The following PPM1L variants were observed in gnomAD, a reference collection of about 807,000 sequenced individuals.
The protein encoded by PPM1L is protein phosphatase, Mg2+/Mn2+ dependent 1L, also known as protein phosphatase 1L.
A neutral mutation model predicts 31.4 loss-of-function variants in PPM1L; 13 were observed. The ratio of observed to expected loss-of-function variants is 0.41; its 90% CI spans 0.27 to 0.66. PPM1L has a LOEUF of 0.66. Ranked by LOEUF, PPM1L falls within the 30% of genes least tolerant of loss-of-function variation. The pLI is 0.29. For synonymous variants in PPM1L, 184 were observed against 175.4 expected, an observed-to-expected ratio of 1.05 and a Z score of -0.39; for missense variants, 326 against 453.7, an observed-to-expected ratio of 0.72 and a Z score of 2.56.
chr3:160,771,543 CTTTTTTTTTTTTTT>C (rs745978148), intron 1 of PPM1L, among the ~76,000 whole-genome samples: 1 of 77,398 alleles, frequency 1.3e-5, no homozygotes, highest in African/African-American at 4.6e-5. Context: ...AAGGCTGGCT[CTTTTTTTTTTTTTT>C]TTTTTTTTTT....
At chr3:160,847,376 C>T (rs917346359) in intron 1 of PPM1L, among the ~76,000 whole-genome samples, 2 of 152,008 alleles carry the variant, frequency 1.3e-5, no homozygotes, top group African/African-American at 4.8e-5. Flanking sequence ...GAAGAATTTG[C>T]CTGAAATCAA....
intron 1 of PPM1L, among the ~76,000 whole-genome samples, chr3:160,853,965 T>G (rs1711599292): frequency 6.6e-6 from 1 of 152,164 alleles, no homozygotes; most frequent in African/African-American, 2.4e-5. Context: ...CACAAGTAGG[T>G]ACTTATATTC....
chr3:160,957,855 C>A (rs143548475), intron 1 of PPM1L, among the ~76,000 whole-genome samples: 3,780 of 152,212 alleles, frequency 0.025, 82 homozygotes, highest in South Asian at 0.041. Flanking sequence ...GGATTACAGG[C>A]GTGAGCCACT....
intron 1 of PPM1L, among the ~76,000 whole-genome samples, chr3:160,922,843 A>G (rs150465525): frequency 1.2e-4 from 19 of 152,372 alleles, no homozygotes; most frequent in African/African-American, 3.8e-4. Context: ...ATATAATCAT[A>G]GTTAACACAG....
chr3:160,991,707 A>G (rs962388604), intron 2 of PPM1L, among the ~76,000 whole-genome samples: 1 of 152,124 alleles, frequency 6.6e-6, no homozygotes, highest in Non-Finnish European at 1.5e-5. Flanking sequence ...GGCCTAAGAA[A>G]AAGACCCACT....
At chr3:160,914,089 A>C (rs959903222) in intron 1 of PPM1L, among the ~76,000 whole-genome samples, 3 of 152,198 alleles carry the variant, frequency 2.0e-5, no homozygotes, top group African/African-American at 4.8e-5. Context: ...CATCTTTGCC[A>C]ACACTTGGCG....
At chr3:160,769,414 T>C (rs1053484058) in intron 1 of PPM1L, among the ~76,000 whole-genome samples, 1 of 152,166 alleles carries the variant, frequency 6.6e-6, no homozygotes, top group Non-Finnish European at 1.5e-5. Flanking sequence ...TTGGATTGTC[T>C]TAGGGATGGT....
chr3:160,967,501 GC>G (rs888726051), intron 2 of PPM1L, among the ~76,000 whole-genome samples: 37 of 151,894 alleles, frequency 2.4e-4, no homozygotes, highest in African/African-American at 8.5e-4. Context: ...TGGCAGGAGG[GC>G]TGAGAGATTT....
chr3:160,763,113 C>T (rs983503555), intron 1 of PPM1L, among the ~76,000 whole-genome samples: 2 of 152,254 alleles, frequency 1.3e-5, no homozygotes, highest in African/African-American at 4.8e-5. Context: ...GTTCCTCTAT[C>T]CTCCTCCCCT....
chr3:160,859,047 A>G (rs1399528580), intron 1 of PPM1L, among the ~76,000 whole-genome samples: 2 of 152,152 alleles, frequency 1.3e-5, no homozygotes, highest in Non-Finnish European at 2.9e-5. Context: ...TCAGAAGTCA[A>G]CTTCTGGGAT....
chr3:160,833,029 C>T (rs184581619), intron 1 of PPM1L, among the ~76,000 whole-genome samples: 390 of 152,260 alleles, frequency 2.6e-3, no homozygotes, highest in African/African-American at 9.0e-3. Context: ...GTTTGGTTTT[C>T]TGTTCCTGTG....
At chr3:160,795,308 G>C (rs955364783) in intron 1 of PPM1L, among the ~76,000 whole-genome samples, 7 of 152,176 alleles carry the variant, frequency 4.6e-5, no homozygotes, top group African/African-American at 1.7e-4. Flanking sequence ...AACACGGTTA[G>C]CATTTGGGGC....
At chr3:160,814,770 A>G (rs1308581195) in intron 1 of PPM1L, among the ~76,000 whole-genome samples, 2 of 151,418 alleles carry the variant, frequency 1.3e-5, no homozygotes, top group Non-Finnish European at 2.9e-5. Context: ...TATACCATAT[A>G]TATACACCAC....
intron 2 of PPM1L, among the ~76,000 whole-genome samples, chr3:161,052,072 G>A (rs1719296272): frequency 6.6e-6 from 1 of 152,186 alleles, no homozygotes; most frequent in Non-Finnish European, 1.5e-5. Context: ...AAGCTCCTGA[G>A]AGTTACTGTT....
chr3:160,974,485 C>T (rs998623840), intron 2 of PPM1L, among the ~76,000 whole-genome samples: 3 of 150,740 alleles, frequency 2.0e-5, no homozygotes, highest in African/African-American at 7.3e-5. Context: ...TACAGTCCCA[C>T]CAACAGTGTA....
chr3:160,905,922 A>G (rs1713739512), intron 1 of PPM1L, among the ~76,000 whole-genome samples: 1 of 151,978 alleles, frequency 6.6e-6, no homozygotes, highest in African/African-American at 2.4e-5. Flanking sequence ...GCTCATTTAA[A>G]CCTTTTAAAA....
At chr3:160,985,721 T>A (rs1008178443) in intron 2 of PPM1L, among the ~76,000 whole-genome samples, 4 of 146,852 alleles carry the variant, frequency 2.7e-5, no homozygotes, top group African/African-American at 1.0e-4. Context: ...TGAATAAATA[T>A]CATCATGTAG....
rs1719944961 is a variant in PPM1L, at chr3:161,072,169, C to A, written c.*3012C>A. 1 of 152,164 alleles carries A rather than the reference C, an allele frequency of 6.6e-6. No individual in the cohort carries two copies. Among genetic ancestry groups the A allele is most frequent in the Non-Finnish European group, 1.5e-5 (1 of 68,038 alleles). 9.4% of individuals were successfully genotyped at this position (152,164 alleles called of 1,614,324 possible). A position where few individuals can be genotyped will look rare whatever the true frequency, so the allele number is the denominator to read the frequency against. On this transcript the variant is annotated 3_prime_UTR_variant, in exon 4 of 4. Transcript: ENST00000498165. ...TTTTTAATTAATTGTATCTAAAATT[C>A]TTTCATCATAGGAATAAACAACACA... is the stretch of plus-strand genomic sequence containing the variant.
chr3:160,917,434 T>C (rs1487992778), intron 1 of PPM1L, among the ~76,000 whole-genome samples: 1 of 152,228 alleles, frequency 6.6e-6, no homozygotes, highest in Admixed American at 6.5e-5. Context: ...CTTAATTATC[T>C]TGAATATAAC....
Sources: gnomAD v4.1 joint callset for allele counts (sites outside exome capture counted in the v4.1 genomes callset) on GRCh38, gnomAD v4.1.1 for gene constraint, MANE v1.5 for transcripts, NCBI Gene and HGNC (gene_info 2026-07-23, HGNC 2026-07-21) for gene names.